Variants in PZP observed in about 807,000 individuals in gnomAD.
PZP encodes the protein pregnancy zone protein.
PZP carries 150 observed loss-of-function variants against 179.8 expected under a neutral mutation model. That is an observed-to-expected ratio of 0.83 (90% CI 0.73 to 0.96). The LOEUF is 0.96. Ranked by LOEUF, PZP falls within the 40% of genes least tolerant of loss-of-function variation. PZP has a pLI of 0.00. For missense variants in PZP, 1,689 were observed against 1,764.0 expected (o/e 0.96, Z 0.76); for synonymous variants, 624 against 652.3 (o/e 0.96, Z 0.66).
At position 9,181,066 on chromosome 12, in the gene PZP, C is replaced by G. The variant is rs1942730394; in HGVS notation, c.1756G>C (p.Ala586Pro). The G allele has an allele frequency of 6.2e-7, 1 of 1,614,034 alleles. No homozygotes were observed. The highest frequency in any genetic ancestry group is 1.3e-5 in the African/African-American group (1 of 74,936). Residue 586 changes from alanine to proline, a missense_variant, in exon 15 of 36, where the codon GCT (alanine) becomes CCT (proline). Transcript: ENST00000261336. ...ASHAHLQVAA[A>P]PQSLCALRAV... is the part of the protein sequence containing the mutation. ...CGAAGGGCACAGAGGGACTGCGGAG[C>G]AGCTGCTACTTGCAGGTGGGCATGT...
chr12:9,169,385 C>CA, intron 16 of PZP, 45 bp downstream of exon 16: 1 of 1,485,524 alleles, frequency 6.7e-7, no homozygotes, highest in Non-Finnish European at 9.1e-7. Flanking sequence ...TATTAACATT[C>CA]AAAAACTCAC....
At chr12:9,143,013 C>T in the PZP span, among the ~76,000 whole-genome samples, 1 of 152,078 alleles carries the variant, frequency 6.6e-6, no homozygotes, top group Non-Finnish European at 1.5e-5. Context: ...TCCAGGAAAA[C>T]AAGATTTATG....
At chr12:9,157,457 C>T in intron 27 of PZP, 102 bp from the exon 28 acceptor site, 1 of 1,100,806 alleles carries the variant, frequency 9.1e-7, no homozygotes, top group Non-Finnish European at 1.3e-6. Context: ...AGATTTCAGA[C>T]AGATAGGCAG....
intron 24 of PZP, 114 bp downstream of exon 24, chr12:9,160,200 T>C: frequency 8.7e-7 from 1 of 1,151,694 alleles, no homozygotes; most frequent in Middle Eastern, 2.0e-4. Context: ...TGTGGGAAGA[T>C]TGTTGTTTTC....
intron 3 of PZP, 54 bp from the exon 4 acceptor site, chr12:9,202,425 G>C (rs1469023302): frequency 6.2e-7 from 1 of 1,613,274 alleles, no homozygotes; most frequent in Non-Finnish European, 8.5e-7. Context: ...GGTAATTTGG[G>C]TAATAAGACA....
chr12:9,172,601 G>A (rs1416156722), intron 15 of PZP, among the ~76,000 whole-genome samples: 1 of 152,102 alleles, frequency 6.6e-6, no homozygotes, highest in African/African-American at 2.4e-5. Context: ...CATCTCACAC[G>A]CAAGGACAGA....
intron 28 of PZP, among the ~76,000 whole-genome samples, chr12:9,155,052 G>C (rs913587424): frequency 6.6e-6 from 1 of 152,150 alleles, no homozygotes; most frequent in Non-Finnish European, 1.5e-5. Flanking sequence ...GTTGATGGAG[G>C]AAGAAGCATA....
In PZP at chr12:9,170,831, A is replaced by G. The variant is rs1219104716; in HGVS notation, c.1840-1240T>C. ...AGGTACTCCAGCCAGGGTTCTAAAG[A>G]CAGAGCTTTGATCTCTCCCTGGGAC... On this transcript the variant is annotated intron_variant, in intron 15 of 35. Coordinates refer to ENST00000261336, the MANE Select transcript of PZP (RefSeq NM_002864.3). The surrounding 1 kb of genome is among the most constrained non-coding windows in gnomAD (Gnocchi z 4.6). Among the ~76,000 whole-genome samples, 4 of 152,078 alleles carry G rather than the reference A, an allele frequency of 2.6e-5. No individual in the cohort carries two copies. The East Asian group carries it at 5.8e-4, about 22-fold the overall frequency.
the PZP span, among the ~76,000 whole-genome samples, chr12:9,140,779 G>C: frequency 6.6e-6 from 1 of 152,116 alleles, no homozygotes; most frequent in African/African-American, 2.4e-5. Flanking sequence ...ACTTACCACA[G>C]GTCAGAAACC....
intron 20 of PZP, 100 bp from the exon 21 acceptor site, chr12:9,163,889 AG>A: frequency 2.8e-6 from 4 of 1,417,574 alleles, no homozygotes; most frequent in Non-Finnish European, 3.8e-6. Context: ...ATAGAAAATA[AG>A]GCTAAAAAAA....
chr12:9,192,563 T>C lies in PZP; in HGVS notation c.1431A>G (p.Thr477=). The C allele has an allele frequency of 6.2e-7, 1 of 1,614,148 alleles. No individual in the cohort carries two copies. The highest frequency in any genetic ancestry group is 8.5e-7 in the Non-Finnish European group (1 of 1,180,026). ...GHTETITAHY[T]LNRQAMGELS... is the part of the protein sequence containing the mutation. Reference sequence around the variant, plus strand: ...ACTCTCCCATGGCCTGTCTATTCAGTGTATAGTGTGCCGTGATAGTCTCCG... The same window carrying C: ...ACTCTCCCATGGCCTGTCTATTCAGCGTATAGTGTGCCGTGATAGTCTCCG... The change falls in exon 12 of 36, where the codon ACA becomes ACG. Residue 477 remains threonine (T), a synonymous_variant. Transcript: ENST00000261336.
At chr12:9,186,095 T>C (rs1943103643) in intron 13 of PZP, among the ~76,000 whole-genome samples, 2 of 152,066 alleles carry the variant, frequency 1.3e-5, no homozygotes, top group Non-Finnish European at 1.5e-5. Context: ...TATGAGCCAC[T>C]GCACCTGGCC....
rs1001765079 is a variant in PZP, at chr12:9,159,919, A to G, written c.3137+19T>C. ...TTCTGAACTCATAGTTGAAACTCAGAATAGATTTTCTTTCTTACCAAGTGT... is the reference window on the plus strand; with the variant it reads ...TTCTGAACTCATAGTTGAAACTCAGGATAGATTTTCTTTCTTACCAAGTGT... On this transcript the variant is annotated intron_variant, in intron 25 of 35. Coordinates refer to ENST00000261336, the MANE Select transcript of PZP (RefSeq NM_002864.3). The G allele has an allele frequency of 1.3e-6, 2 of 1,586,244 alleles. No individual in the cohort carries two copies. The highest frequency in any genetic ancestry group is 2.7e-5 in the African/African-American group (2 of 74,342).
downstream of PZP, among the ~76,000 whole-genome samples, chr12:9,144,040 A>C (rs1439255817): frequency 6.6e-6 from 1 of 152,158 alleles, no homozygotes; most frequent in Admixed American, 6.5e-5. Flanking sequence ...GGCATACCTG[A>C]CTTTCCCGGG....
chr12:9,157,398 A>G (rs755499652), intron 27 of PZP, 43 bp from the exon 28 acceptor site: 5 of 1,565,880 alleles, frequency 3.2e-6, no homozygotes, highest in Non-Finnish European at 4.3e-6. Flanking sequence ...GGGTGAATAG[A>G]GGGCAGAGCA....
chr12:9,178,763 G>C (rs991933599), intron 15 of PZP, among the ~76,000 whole-genome samples: 1 of 152,164 alleles, frequency 6.6e-6, no homozygotes, highest in East Asian at 1.9e-4. Context: ...ATTGGGTTCA[G>C]TGCTATCCAC....
At chr12:9,196,207 T>G in intron 10 of PZP, 123 bp downstream of exon 10, 1 of 587,076 alleles carries the variant, frequency 1.7e-6, no homozygotes, top group African/African-American at 1.9e-5. Flanking sequence ...TTCTCCTTGG[T>G]TTCATGGTTT....
chr12:9,149,439 G>A (rs1480660411), intron 35 of PZP, 122 bp downstream of exon 35: 17 of 965,228 alleles, frequency 1.8e-5, no homozygotes, highest in Non-Finnish European at 1.5e-6. Context: ...GTCTTGGTGT[G>A]AGGACATGCC....
Position 9,192,202 on chromosome 12 carries a change from A to C in PZP, c.1537T>G (p.Ser513Ala). ...RSGTHTLPVE[S>A]GDMKGSFALS... ...ATCTGAGGATACTCACTGTCTCCTG[A>C]CTCCACAGGCAGAGTGTGGGTTCCA... The change falls in exon 13 of 36, where the codon TCA becomes GCA. Residue 513 changes from serine to alanine, a missense_variant. Coordinates refer to ENST00000261336, the MANE Select transcript of PZP (RefSeq NM_002864.3). 6.2e-7 allele frequency: 1 copy of C among 1,613,546 alleles called. No individual in the cohort carries two copies. The highest frequency in any genetic ancestry group is 1.1e-5 in the South Asian group (1 of 91,060).
Sources: allele counts gnomAD v4.1 joint callset (sites outside exome capture counted in the v4.1 genomes callset), GRCh38; gene constraint gnomAD v4.1.1; non-coding constraint Gnocchi (gnomAD v3.1); transcripts MANE v1.5; gene names NCBI Gene and HGNC (gene_info 2026-07-23, HGNC 2026-07-21).